The following TAOK1 variants were observed in gnomAD, a reference collection of about 807,000 sequenced individuals.
The protein encoded by TAOK1 is serine/threonine-protein kinase TAO1.
A neutral mutation model predicts 138.3 loss-of-function variants in TAOK1; 21 were observed. That is an observed-to-expected ratio of 0.15 (90% CI 0.11 to 0.22). The LOEUF is 0.22. TAOK1 is among the 10% of genes least tolerant of loss of function. TAOK1 has a pLI of 1.00. For synonymous variants in TAOK1, 361 were observed against 398.4 expected (o/e 0.91, Z 1.12); for missense variants, 651 against 1,227.7 (o/e 0.53, Z 7.02).
At chr17:29,475,794 T>C (rs376512377) in intron 4 of TAOK1, 23 bp downstream of exon 4, 9 of 1,575,364 alleles carry the variant, frequency 5.7e-6, no homozygotes, top group East Asian at 2.2e-5. Flanking sequence ...TCTCCCCTTG[T>C]TGCAGTTTTA....
At chr17:29,512,496 C>A (rs2031740330) in intron 15 of TAOK1, 1 of 151,916 alleles carries the variant, frequency 6.6e-6, no homozygotes, top group African/African-American at 2.4e-5. Flanking sequence ...TCTCCTGCCT[C>A]AGCCTCTTGA....
At chr17:29,535,008 G>C (rs2032199490) in intron 19 of TAOK1, among the ~76,000 whole-genome samples, 1 of 151,984 alleles carries the variant, frequency 6.6e-6, no homozygotes, top group Non-Finnish European at 1.5e-5. Context: ...GAGGTAAAGA[G>C]AAGAAAGGCA....
At chr17:29,433,012 G>A (rs966041326) in intron 1 of TAOK1, among the ~76,000 whole-genome samples, 2 of 152,048 alleles carry the variant, frequency 1.3e-5, no homozygotes, top group Admixed American at 6.6e-5. Flanking sequence ...CTCCTGCCTC[G>A]GCCTTCGTAA....
chr17:29,498,225 G>A (rs562220788), intron 11 of TAOK1, 93 bp from the exon 12 acceptor site: 2 of 1,293,730 alleles, frequency 1.5e-6, no homozygotes, highest in Admixed American at 1.9e-5. Flanking sequence ...GAGACTGTCT[G>A]CCAAGTGGTA....
intron 10 of TAOK1, among the ~76,000 whole-genome samples, chr17:29,493,437 T>A (rs2153027798): frequency 6.6e-6 from 1 of 150,436 alleles, no homozygotes; most frequent in East Asian, 2.0e-4. Context: ...GAGGTTGTGG[T>A]GAGCTGAGAT....
chr17:29,471,163 T>A (rs886084817), intron 3 of TAOK1, among the ~76,000 whole-genome samples: 10 of 149,738 alleles, frequency 6.7e-5, no homozygotes, highest in African/African-American at 1.2e-4. Context: ...ATCTAAAAAA[T>A]ATATATATAT....
At chr17:29,404,790 A>G (rs1951777338) in intron 1 of TAOK1, among the ~76,000 whole-genome samples, 1 of 152,172 alleles carries the variant, frequency 6.6e-6, no homozygotes, top group South Asian at 2.1e-4. Context: ...CCTGTGTCTA[A>G]ATAAATAAAT....
intron 3 of TAOK1, among the ~76,000 whole-genome samples, chr17:29,474,133 C>CT (rs1354303965): frequency 3.3e-5 from 5 of 152,186 alleles, no homozygotes; most frequent in Admixed American, 1.3e-4. Context: ...TTTCTCACCT[C>CT]TCTCAGCCTT....
At chr17:29,526,199 C>T (rs139740667) in intron 17 of TAOK1, among the ~76,000 whole-genome samples, 294 of 151,958 alleles carry the variant, frequency 1.9e-3, no homozygotes, top group African/African-American at 6.4e-3. Flanking sequence ...CACTTGAACC[C>T]GGAAGGCGGA....
At chr17:29,540,619 T>C (rs1331686640) in intron 19 of TAOK1, among the ~76,000 whole-genome samples, 1 of 151,640 alleles carries the variant, frequency 6.6e-6, no homozygotes, top group Non-Finnish European at 1.5e-5. Context: ...TGCCCAGGCT[T>C]GAGTGCAATG....
At chr17:29,451,772 C>T (rs1419661202) in intron 2 of TAOK1, 92 bp downstream of exon 2, 2 of 1,429,046 alleles carry the variant, frequency 1.4e-6, no homozygotes, top group Admixed American at 2.2e-5. Flanking sequence ...AGATATAGGC[C>T]ATAGTCATTT....
chr17:29,477,483 A>T (rs932834253), intron 4 of TAOK1, among the ~76,000 whole-genome samples, 178 bp from the exon 5 acceptor site: 24 of 151,730 alleles, frequency 1.6e-4, no homozygotes, highest in African/African-American at 3.6e-4. Context: ...TTATTAAAAA[A>T]TTTTAAAAAT....
intron 3 of TAOK1, among the ~76,000 whole-genome samples, chr17:29,473,306 G>A (rs547626474): frequency 1.3e-5 from 2 of 152,226 alleles, no homozygotes; most frequent in East Asian, 3.9e-4. Context: ...GTCCTAGATG[G>A]TATCTTCTTC....
intron 19 of TAOK1, among the ~76,000 whole-genome samples, chr17:29,536,318 C>T (rs968032927): frequency 8.8e-4 from 124 of 141,236 alleles, no homozygotes; most frequent in African/African-American, 3.0e-3. Flanking sequence ...GATGAGAGGC[C>T]GGGGCATGGT....
At chr17:29,528,197 A>G (rs2032044190) in intron 17 of TAOK1, among the ~76,000 whole-genome samples, 1 of 152,008 alleles carries the variant, frequency 6.6e-6, no homozygotes, top group South Asian at 2.1e-4. Flanking sequence ...TTACAGGCAC[A>G]TGCCACCACA....
At chr17:29,525,052 T>C (rs1035437280) in intron 17 of TAOK1, among the ~76,000 whole-genome samples, 1 of 152,188 alleles carries the variant, frequency 6.6e-6, no homozygotes, top group Non-Finnish European at 1.5e-5. Flanking sequence ...TTTTTCTCAT[T>C]AGGCAGGAAT....
chr17:29,409,890 A>G (rs1449548791), intron 1 of TAOK1, among the ~76,000 whole-genome samples: 1 of 152,084 alleles, frequency 6.6e-6, no homozygotes, highest in Non-Finnish European at 1.5e-5. Context: ...TGCAGATGAT[A>G]TATTTGCTCA....
chr17:29,456,994 A>C (rs1478675882), intron 2 of TAOK1, among the ~76,000 whole-genome samples: 84 of 143,898 alleles, frequency 5.8e-4, no homozygotes, highest in Middle Eastern at 7.6e-3. Flanking sequence ...CGGCCTCCCA[A>C]AGTGCTGGGA....
intron 1 of TAOK1, among the ~76,000 whole-genome samples, chr17:29,418,177 G>C (rs1449210579): frequency 6.6e-6 from 1 of 151,958 alleles, no homozygotes; most frequent in Non-Finnish European, 1.5e-5. Flanking sequence ...ATGAGCCACT[G>C]TGCCCAGCTT....
Sources: allele counts gnomAD v4.1 joint callset (sites outside exome capture counted in the v4.1 genomes callset), GRCh38; gene constraint gnomAD v4.1.1; transcripts MANE v1.5; gene names NCBI Gene and HGNC (gene_info 2026-07-23, HGNC 2026-07-21).